Variants in BCL2 observed in about 807,000 individuals in gnomAD.
BCL2 encodes BCL2 apoptosis regulator.
In BCL2, 1 loss-of-function variant was observed where a neutral mutation model predicts 14.2. The ratio of observed to expected loss-of-function variants is 0.07; its 90% CI spans 0.02 to 0.33. BCL2 has a LOEUF of 0.33. Ranked by LOEUF, BCL2 falls within the 10% of genes least tolerant of loss-of-function variation. BCL2 has a pLI of 0.99. For synonymous variants in BCL2, 151 were observed against 137.2 expected (o/e 1.10, Z -0.70); for missense variants, 247 against 305.9 (o/e 0.81, Z 1.44).
At chr18:63,301,995 A>C (rs777171587) in intron 2 of BCL2, among the ~76,000 whole-genome samples, 1 of 152,196 alleles carries the variant, frequency 6.6e-6, no homozygotes, top group Admixed American at 6.5e-5. Flanking sequence ...ATTTTAGGTA[A>C]TATTGGACGA....
intron 2 of BCL2, among the ~76,000 whole-genome samples, chr18:63,136,082 C>T (rs1914200359): frequency 6.6e-6 from 1 of 152,082 alleles, no homozygotes; most frequent in African/African-American, 2.4e-5. Flanking sequence ...TCTCTGTCTC[C>T]CTCAGGGGCA....
At chr18:63,317,705 T>G in intron 2 of BCL2, 1 of 1,098,160 alleles carries the variant, frequency 9.1e-7, no homozygotes, top group Non-Finnish European at 1.1e-6. Flanking sequence ...TCATAAGCAG[T>G]CCCTGAAACC....
chr18:63,276,009 G>T (rs1430258275), intron 2 of BCL2, among the ~76,000 whole-genome samples: 1 of 152,246 alleles, frequency 6.6e-6, no homozygotes, highest in African/African-American at 2.4e-5. Flanking sequence ...GCCAACACCT[G>T]TTATTGTAAA....
At chr18:63,232,020 G>A (rs1473925218) in intron 2 of BCL2, among the ~76,000 whole-genome samples, 2 of 152,026 alleles carry the variant, frequency 1.3e-5, no homozygotes, top group Admixed American at 1.3e-4. Context: ...CCCCACACAT[G>A]TGGGAATTTG....
rs753100811 is a variant in BCL2 at position 63,212,306 on chromosome 18, C to A, written c.586-83547G>T. ...GCATGCCACTGCACTCCAGCCTGGG[C>A]GACAGAGCGAGACTCTGTCTCAAAC... On this transcript the variant is annotated intron_variant, in intron 2 of 2. Coordinates refer to ENST00000333681, the MANE Select transcript of BCL2 (RefSeq NM_000633.3). 3.3e-5 allele frequency among the ~76,000 whole-genome samples: 5 copies of A among 151,572 alleles called. No homozygotes were observed. In the South Asian group the frequency reaches 1.0e-3, roughly 31 times the overall value.
At chr18:63,305,531 A>T (rs897934900) in intron 2 of BCL2, among the ~76,000 whole-genome samples, 1 of 152,218 alleles carries the variant, frequency 6.6e-6, no homozygotes, top group Non-Finnish European at 1.5e-5. Context: ...GTTGTTGTGA[A>T]GATCAAATGG....
chr18:63,216,699 A>G (rs1910214602), intron 2 of BCL2, among the ~76,000 whole-genome samples: 1 of 152,216 alleles, frequency 6.6e-6, no homozygotes, highest in Admixed American at 6.5e-5. Flanking sequence ...CTGTGCTAAG[A>G]TGATGTAAAG....
intron 2 of BCL2, among the ~76,000 whole-genome samples, chr18:63,236,392 G>A (rs1332840542): frequency 2.2e-5 from 3 of 138,318 alleles, no homozygotes; most frequent in East Asian, 2.2e-4. Flanking sequence ...ATAGAGGTGC[G>A]GGACAAAAAG....
intron 2 of BCL2, among the ~76,000 whole-genome samples, chr18:63,255,699 G>A (rs1911453003): frequency 3.9e-5 from 6 of 152,006 alleles, no homozygotes; most frequent in Admixed American, 3.9e-4. Flanking sequence ...AAAAAACATG[G>A]GAAGACAATA....
chr18:63,198,599 CACACACAGACACACACTG>C (rs1909539897), intron 2 of BCL2, among the ~76,000 whole-genome samples: 2 of 151,512 alleles, frequency 1.3e-5, no homozygotes, highest in East Asian at 2.0e-4. Flanking sequence ...CACAGAGACA[CACACACAGACACACACTG>C]ACACACAGAC....
At chr18:63,272,357 T>A (rs1029797357) in intron 2 of BCL2, among the ~76,000 whole-genome samples, 1 of 152,234 alleles carries the variant, frequency 6.6e-6, no homozygotes, top group African/African-American at 2.4e-5. Context: ...AATTTACACA[T>A]ATTTAACAAT....
intron 2 of BCL2, among the ~76,000 whole-genome samples, chr18:63,261,959 T>C (rs972832507): frequency 6.6e-6 from 1 of 152,164 alleles, no homozygotes; most frequent in Admixed American, 6.5e-5. Flanking sequence ...TTTGTATTTT[T>C]AGTAGAGACA....
intron 2 of BCL2, among the ~76,000 whole-genome samples, chr18:63,238,120 T>C (rs1910892133): frequency 6.6e-6 from 1 of 152,206 alleles, no homozygotes; most frequent in Non-Finnish European, 1.5e-5. Context: ...CAACTTTTAC[T>C]CCGTAATGGA....
At chr18:63,298,817 T>C (rs1912873234) in intron 2 of BCL2, among the ~76,000 whole-genome samples, 2 of 152,160 alleles carry the variant, frequency 1.3e-5, no homozygotes, top group Admixed American at 6.5e-5. Context: ...GTGAGATAAA[T>C]GGTTTCCTAA....
At chr18:63,222,128 G>T in intron 2 of BCL2, among the ~76,000 whole-genome samples, 1 of 151,914 alleles carries the variant, frequency 6.6e-6, no homozygotes, top group East Asian at 1.9e-4. Context: ...ACAAAAATTA[G>T]CCAGGCATAC....
At chr18:63,276,882 T>C (rs1288046936) in intron 2 of BCL2, among the ~76,000 whole-genome samples, 3 of 152,232 alleles carry the variant, frequency 2.0e-5, no homozygotes, top group Non-Finnish European at 2.9e-5. Flanking sequence ...GTTAAGGCAT[T>C]GTATGGATGG....
At chr18:63,180,297 A>G (rs770962738) in intron 2 of BCL2, among the ~76,000 whole-genome samples, 2 of 152,258 alleles carry the variant, frequency 1.3e-5, no homozygotes, top group Non-Finnish European at 2.9e-5. Flanking sequence ...GGGGAAGAGC[A>G]GGGAAGGGAG....
intron 2 of BCL2, among the ~76,000 whole-genome samples, chr18:63,292,370 A>G (rs1472005081): frequency 6.6e-6 from 1 of 152,156 alleles, no homozygotes; most frequent in Non-Finnish European, 1.5e-5. Context: ...CTCAGCTTGG[A>G]TGAGACATGT....
At chr18:63,246,702 T>C (rs1911160735) in intron 2 of BCL2, among the ~76,000 whole-genome samples, 1 of 152,184 alleles carries the variant, frequency 6.6e-6, no homozygotes, top group South Asian at 2.1e-4. Flanking sequence ...CCCTACGTTA[T>C]CCATTTTGTT....
Sources: allele counts gnomAD v4.1 joint callset (sites outside exome capture counted in the v4.1 genomes callset), GRCh38; gene constraint gnomAD v4.1.1; transcripts MANE v1.5; gene names NCBI Gene and HGNC (gene_info 2026-07-23, HGNC 2026-07-21).